The following DLGAP1 variants were observed in gnomAD, a reference collection of about 807,000 sequenced individuals.
DLGAP1 encodes the protein disks large-associated protein 1.
A neutral mutation model predicts 90.8 loss-of-function variants in DLGAP1; 11 were observed. The ratio of observed to expected loss-of-function variants is 0.12; its 90% confidence interval spans 0.08 to 0.20. The LOEUF is 0.20. Ranked by LOEUF, DLGAP1 falls within the 10% of genes least tolerant of loss-of-function variation. DLGAP1 has a pLI of 1.00. For missense variants in DLGAP1, 1,050 were observed against 1,333.8 expected (o/e 0.79, Z 3.31); for synonymous variants, 558 against 540.7 (o/e 1.03, Z -0.44).
intron 9 of DLGAP1, among the ~76,000 whole-genome samples, chr18:3,553,566 C>G (rs1171685721): frequency 6.6e-6 from 1 of 152,122 alleles, no homozygotes; most frequent in African/African-American, 2.4e-5. Context: ...CAGAGTCTCA[C>G]TCTGTCGCCC....
At chr18:3,590,782 G>A (rs1419428130) in intron 7 of DLGAP1, among the ~76,000 whole-genome samples, 1 of 152,098 alleles carries the variant, frequency 6.6e-6, no homozygotes, top group East Asian at 1.9e-4. Context: ...TTGAACCCGG[G>A]AGGTAGAGGT....
chr18:3,856,578 C>A (rs1599017884), intron 4 of DLGAP1, among the ~76,000 whole-genome samples: 1 of 151,982 alleles, frequency 6.6e-6, no homozygotes, highest in East Asian at 1.9e-4. Flanking sequence ...TAAAGAAATA[C>A]AGGCCAGACG....
chr18:3,665,158 A>G (rs1189357164), intron 7 of DLGAP1, among the ~76,000 whole-genome samples: 2 of 152,222 alleles, frequency 1.3e-5, no homozygotes, highest in Non-Finnish European at 2.9e-5. Context: ...GTTGGAAATT[A>G]GGGAGCTCTC....
chr18:4,127,482 A>G (rs1425238129), intron 2 of DLGAP1, among the ~76,000 whole-genome samples: 4 of 152,212 alleles, frequency 2.6e-5, no homozygotes, highest in Admixed American at 2.6e-4. Flanking sequence ...TCAGAAGAAT[A>G]CATCTGGAAG....
chr18:4,054,477 T>C (rs1323203224), intron 2 of DLGAP1, among the ~76,000 whole-genome samples: 2 of 152,162 alleles, frequency 1.3e-5, no homozygotes, highest in Non-Finnish European at 2.9e-5. Context: ...TTCTAGAAAA[T>C]CCACAAGTAT....
chr18:4,128,756 A>C (rs1182492326), intron 2 of DLGAP1, among the ~76,000 whole-genome samples: 1 of 152,182 alleles, frequency 6.6e-6, no homozygotes, highest in Non-Finnish European at 1.5e-5. Flanking sequence ...ACCAATGGAG[A>C]GAAAAATACA....
chr18:4,203,002 G>T (rs1213591034), intron 1 of DLGAP1, among the ~76,000 whole-genome samples: 2 of 152,116 alleles, frequency 1.3e-5, no homozygotes, highest in East Asian at 1.9e-4. Flanking sequence ...TTGGCCAGGT[G>T]CCATGGCTCA....
intron 7 of DLGAP1, chr18:3,655,693 T>C (rs1223416531): frequency 5.6e-6 from 1 of 178,206 alleles, no homozygotes; most frequent in Non-Finnish European, 1.2e-5. Context: ...TGGGCAAACA[T>C]GTCTGCTCTG....
chr18:4,389,839 C>T (rs145439326), intron 1 of DLGAP1, among the ~76,000 whole-genome samples: 1 of 152,154 alleles, frequency 6.6e-6, no homozygotes, highest in African/African-American at 2.4e-5. Context: ...TTAAGATGCA[C>T]ATCAATTACT....
At chr18:3,563,231 G>A (rs2054244395) in intron 9 of DLGAP1, among the ~76,000 whole-genome samples, 2 of 152,054 alleles carry the variant, frequency 1.3e-5, no homozygotes, top group Admixed American at 1.3e-4. Context: ...GATATGCTTA[G>A]GTGTAGTTTT....
At chr18:3,661,824 C>T (rs781624900) in intron 7 of DLGAP1, among the ~76,000 whole-genome samples, 6 of 151,916 alleles carry the variant, frequency 3.9e-5, no homozygotes, top group East Asian at 3.9e-4. Flanking sequence ...TCAGGCAATC[C>T]GCTCATCTTG....
chr18:3,624,151 A>T (rs1401247080), intron 7 of DLGAP1, among the ~76,000 whole-genome samples: 1 of 152,174 alleles, frequency 6.6e-6, no homozygotes, highest in Non-Finnish European at 1.5e-5. Context: ...CACCTTTCTC[A>T]TGACACAGAG....
At chr18:4,020,743 G>A (rs2074595004) in intron 2 of DLGAP1, among the ~76,000 whole-genome samples, 1 of 152,118 alleles carries the variant, frequency 6.6e-6, no homozygotes, top group Non-Finnish European at 1.5e-5. Context: ...CCTTCTTAAC[G>A]GGGGACCAGT....
At chr18:4,013,384 T>G (rs1233771995) in intron 2 of DLGAP1, among the ~76,000 whole-genome samples, 1 of 152,172 alleles carries the variant, frequency 6.6e-6, no homozygotes, top group Non-Finnish European at 1.5e-5. Flanking sequence ...GTCCACACAG[T>G]TAGTAAGTGA....
At chr18:4,098,183 G>T (rs2075716169) in intron 2 of DLGAP1, among the ~76,000 whole-genome samples, 1 of 152,128 alleles carries the variant, frequency 6.6e-6, no homozygotes, top group Admixed American at 6.5e-5. Flanking sequence ...CAAACTGCTG[G>T]GATTACAGGC....
At chr18:3,975,192 C>T (rs1467322767) in intron 3 of DLGAP1, among the ~76,000 whole-genome samples, 1 of 151,744 alleles carries the variant, frequency 6.6e-6, no homozygotes, top group South Asian at 2.1e-4. Context: ...TTTTTAATTA[C>T]AATTAAAAAT....
chr18:4,351,743 T>C (rs1204753154), intron 1 of DLGAP1, among the ~76,000 whole-genome samples: 1 of 152,202 alleles, frequency 6.6e-6, no homozygotes, highest in African/African-American at 2.4e-5. Context: ...GTTGTACAAA[T>C]GTGGTGCTGC....
chr18:3,749,032 CAT>C (rs2063383556), intron 5 of DLGAP1, among the ~76,000 whole-genome samples: 1 of 152,038 alleles, frequency 6.6e-6, no homozygotes, highest in Non-Finnish European at 1.5e-5. Context: ...TGAGAGATCA[CAT>C]AGTGTTGAAG....
At chr18:4,270,321 G>A (rs190666338) in intron 1 of DLGAP1, among the ~76,000 whole-genome samples, 42 of 152,150 alleles carry the variant, frequency 2.8e-4, no homozygotes, top group Admixed American at 7.2e-4. Flanking sequence ...TTCTTCCTCT[G>A]GGGACAACCT....
Sources: gnomAD v4.1 joint callset for allele counts (sites outside exome capture counted in the v4.1 genomes callset) on GRCh38, gnomAD v4.1.1 for gene constraint, MANE v1.5 for transcripts, NCBI Gene and HGNC (gene_info 2026-07-23, HGNC 2026-07-21) for gene names.